Variants in SLC12A5 observed in about 807,000 individuals in gnomAD.
SLC12A5 encodes the protein solute carrier family 12 member 5, also known as K-Cl cotransporter 2.
Under a neutral mutation model 124.0 loss-of-function variants are expected in SLC12A5, and 18 were observed. The ratio of observed to expected loss-of-function variants is 0.15; its 90% CI spans 0.10 to 0.22. The LOEUF is 0.22. Ranked by LOEUF, SLC12A5 falls within the 10% of genes least tolerant of loss-of-function variation. The pLI is 1.00. For missense variants in SLC12A5, 867 were observed against 1,478.7 expected, an observed-to-expected ratio of 0.59 and a Z score of 6.78; for synonymous variants, 589 against 568.0, an observed-to-expected ratio of 1.04 and a Z score of -0.53.
Position 46,057,252 on chromosome 20 carries a change from G to A in SLC12A5, c.3208G>A (p.Val1070Ile), listed in dbSNP as rs2084704758. ...IVKKSRDAKL[V>I]LLNMPGPPRN... ...GAAGAAATCCCGGGACGCCAAGCTT[G>A]TTTTGCTCAACATGCCTGGGCCTCC... Residue 1070 changes from valine (V) to isoleucine (I), a missense_variant, in exon 25 of 26, where the codon GTT (valine) becomes ATT (isoleucine). This residue lies in a region of SLC12A5 where 180 missense variants were observed against 243.6 expected (regional missense o/e 0.74). Transcript: ENST00000243964. This position sits in a 1 kb window ranked among gnomAD's most constrained non-coding sequence, Gnocchi z 7.1. 1 of 1,614,114 alleles carries A rather than the reference G, an allele frequency of 6.2e-7. No homozygotes were observed. Among genetic ancestry groups the A allele is most frequent in the Non-Finnish European group, 8.5e-7 (1 of 1,180,048 alleles).
rs144111026 is a variant in SLC12A5, at chr20:46,057,131, C to A, written c.3126-39C>A. ...GACTGGCTCCAATCTTCTCTACCCC[C>A]CCGGCTCACGCGGTCTCCACTCCTC... On this transcript the variant is annotated intron_variant, in intron 24 of 25. Transcript: ENST00000243964. The surrounding 1 kb of genome is among the most constrained non-coding windows in gnomAD (Gnocchi z 7.1). 3.1e-6 allele frequency: 5 copies of A among 1,612,026 alleles called. No individual in the cohort carries two copies. The highest frequency in any genetic ancestry group is 3.4e-6 in the Non-Finnish European group (4 of 1,178,652).
chr20:46,021,873 G>A (rs1177495819), exon 1 of SLC12A5: 1 of 1,529,586 alleles, frequency 6.5e-7, no homozygotes, highest in Admixed American at 2.0e-5. Context: ...ACCTCCCGGG[G>A]GAAGACGTCA....
At chr20:46,043,988 A>G in intron 11 of SLC12A5, 55 bp downstream of exon 11, 4 of 1,524,792 alleles carry the variant, frequency 2.6e-6, no homozygotes, top group Non-Finnish European at 3.5e-6. Flanking sequence ...TAGAAGGCTG[A>G]GTTCTGGGAA....
chr20:46,048,491 T>G (rs2145497981), intron 16 of SLC12A5, among the ~76,000 whole-genome samples: 1 of 152,310 alleles, frequency 6.6e-6, no homozygotes, highest in East Asian at 1.9e-4. Context: ...GCATTTGCTC[T>G]GAGACAGGTG....
intron 8 of SLC12A5, among the ~76,000 whole-genome samples, chr20:46,042,345 G>A (rs1029455128): frequency 6.6e-6 from 1 of 152,170 alleles, no homozygotes; most frequent in East Asian, 1.9e-4. Flanking sequence ...TTAAAGGGGT[G>A]AGAGGAGAGA....
chr20:46,047,061 T>C (rs901290785), intron 14 of SLC12A5, among the ~76,000 whole-genome samples: 1 of 152,200 alleles, frequency 6.6e-6, no homozygotes, highest in African/African-American at 2.4e-5. Flanking sequence ...ACAACTGGGC[T>C]AGAACCAGGG....
chr20:46,035,388 C>T lies in SLC12A5; in HGVS notation c.148-16C>T. ...TGCTCCCCCAGCCTCCTAGCACTGACACCCTCCCTCCATAGGAGGAGATGG... is the reference window on the plus strand; with the variant it reads ...TGCTCCCCCAGCCTCCTAGCACTGATACCCTCCCTCCATAGGAGGAGATGG... On this transcript the variant is annotated splice_polypyrimidine_tract_variant and intron_variant, in intron 2 of 25. Transcript: ENST00000243964. 6.2e-7 allele frequency: 1 copy of T among 1,606,810 alleles called. No homozygotes were observed. Among genetic ancestry groups the T allele is most frequent in the Non-Finnish European group, 8.5e-7 (1 of 1,175,696 alleles).
chr20:46,056,672 C>T lies in SLC12A5; in HGVS notation c.3110+108C>T, dbSNP rs1686630584. The T allele has an allele frequency of 1.6e-6, 2 of 1,257,042 alleles. No individual in the cohort carries two copies. Among genetic ancestry groups the T allele is most frequent in the African/African-American group, 3.0e-5 (2 of 66,522 alleles). 77.9% of individuals were successfully genotyped at this position (1,257,042 alleles called of 1,614,324 possible). On this transcript the variant is annotated intron_variant, in intron 23 of 25. Transcript: ENST00000243964. This position sits in a 1 kb window ranked among gnomAD's most constrained non-coding sequence, Gnocchi z 4.3. ...CATCCTGGTCTGTCAGCCTGCAGACCCAGCTCAGACATTGTCTTGGTTTCT... is the reference window on the plus strand; with the variant it reads ...CATCCTGGTCTGTCAGCCTGCAGACTCAGCTCAGACATTGTCTTGGTTTCT...
At chr20:46,052,498 G>C (rs1034689828) in intron 18 of SLC12A5, among the ~76,000 whole-genome samples, 1 of 152,246 alleles carries the variant, frequency 6.6e-6, no homozygotes, top group Non-Finnish European at 1.5e-5. Context: ...TCAGGAGTTT[G>C]AGCTGGGCAA....
At chr20:46,029,142 G>A, upstream of SLC12A5, 4 of 1,395,784 alleles carry the variant, frequency 2.9e-6, no homozygotes, top group East Asian at 5.7e-5. Context: ...GAGCAGCGCC[G>A]CTGCTGAGAG....
chr20:46,023,004 AGAGGAGGAG>A, exon 2 of SLC12A5: 2 of 357,560 alleles, frequency 5.6e-6, no homozygotes, highest in Non-Finnish European at 9.5e-6. Context: ...AGGAGGAGGA[AGAGGAGGAG>A]GAGGAGAAGG....
chr20:46,033,158 C>T (rs2084468286), intron 1 of SLC12A5, among the ~76,000 whole-genome samples: 1 of 152,092 alleles, frequency 6.6e-6, no homozygotes. Flanking sequence ...CAGAGACAGG[C>T]CATGCTCTGG....
upstream of SLC12A5, among the ~76,000 whole-genome samples, chr20:46,025,193 G>C (rs80167000): frequency 0.014 from 2,145 of 152,310 alleles, 18 homozygotes; most frequent in Non-Finnish European, 0.02. Context: ...TGATTTGGAA[G>C]GATGAAGCTG....
chr20:46,045,949 T>C lies in SLC12A5; in HGVS notation c.1641T>C (p.Ile547=). The C allele has an allele frequency of 6.2e-7, 1 of 1,614,202 alleles. No individual in the cohort carries two copies. The highest frequency in any genetic ancestry group is 8.5e-7 in the Non-Finnish European group (1 of 1,180,032). The change falls in exon 13 of 26, where the codon ATT becomes ATC. Residue 547 remains isoleucine, a synonymous_variant. Coordinates refer to ENST00000243964, the MANE Select transcript of SLC12A5 (RefSeq NM_020708.5). The surrounding 1 kb of genome is among the most constrained non-coding windows in gnomAD (Gnocchi z 4.9). ...ALLLTACICE[I]GILIASLDEV... is the part of the protein sequence containing the mutation. ...TCCTGACTGCCTGCATCTGCGAGATTGGCATCCTCATTGCATCCCTCGACG... is the reference window on the plus strand; with the variant it reads ...TCCTGACTGCCTGCATCTGCGAGATCGGCATCCTCATTGCATCCCTCGACG...
At chr20:46,052,904 G>A (rs1376645026) in intron 18 of SLC12A5, 53 bp from the exon 19 acceptor site, 2 of 1,531,534 alleles carry the variant, frequency 1.3e-6, no homozygotes, top group Non-Finnish European at 1.8e-6. Context: ...CTGGGTGTTG[G>A]GAGAACCAGA....
At chr20:46,044,822 A>G (rs1019651581) in intron 11 of SLC12A5, 144 bp from the exon 12 acceptor site, 3 of 859,544 alleles carry the variant, frequency 3.5e-6, no homozygotes, top group Admixed American at 2.4e-5. Context: ...ACAATGGAAC[A>G]TTTGGGGCTC....
intron 16 of SLC12A5, 128 bp from the exon 17 acceptor site, chr20:46,049,494 G>A (rs2084628557): frequency 8.5e-7 from 1 of 1,176,228 alleles, no homozygotes. Context: ...GATGGGTGGT[G>A]AGGGGTATAG....
At chr20:46,030,474 C>T (rs1430679478) in intron 1 of SLC12A5, among the ~76,000 whole-genome samples, 1 of 151,478 alleles carries the variant, frequency 6.6e-6, no homozygotes, top group Non-Finnish European at 1.5e-5. Context: ...GGCCCCCCGC[C>T]GCCCCCGAGC....
chr20:46,021,786 C>T, upstream of SLC12A5: 1 of 1,533,380 alleles, frequency 6.5e-7, no homozygotes, highest in Non-Finnish European at 8.7e-7. Flanking sequence ...GGTTCACGGT[C>T]ACCTCGCTGC....
Sources: allele counts gnomAD v4.1 joint callset (sites outside exome capture counted in the v4.1 genomes callset), GRCh38; gene constraint gnomAD v4.1.1; regional missense constraint gnomAD v4.1.1; non-coding constraint Gnocchi (gnomAD v3.1); transcripts MANE v1.5; gene names NCBI Gene and HGNC (gene_info 2026-07-23, HGNC 2026-07-21).